The following DLG2 variants were observed in gnomAD, a reference collection of about 807,000 sequenced individuals.
DLG2 encodes disks large homolog 2.
In DLG2, 45 loss-of-function variants were observed where a neutral mutation model predicts 132.5. That is an observed-to-expected ratio of 0.34 (90% CI 0.27 to 0.44). The LOEUF (loss-of-function observed/expected upper bound fraction) is 0.44, where lower values mean the gene tolerates loss of function less well. Among genes scored for constraint, DLG2 ranks in the 20% least tolerant of loss-of-function variants. The probability of loss-of-function intolerance (pLI) is 1.00; values close to 1 mark genes in which losing one functional copy is unlikely to be tolerated. For synonymous variants in DLG2, 424 were observed against 419.6 expected (o/e 1.01, Z -0.13); for missense variants, 1,045 against 1,196.9 (o/e 0.87, Z 1.87).
intron 18 of DLG2, among the ~76,000 whole-genome samples, chr11:83,767,376 A>G (rs181038219): frequency 3.9e-5 from 6 of 152,346 alleles, no homozygotes; most frequent in Non-Finnish European, 7.3e-5. Context: ...TTATAATTCA[A>G]TTAGGTCCTT....
At chr11:83,900,447 G>A (rs1385927525) in intron 15 of DLG2, among the ~76,000 whole-genome samples, 4 of 152,108 alleles carry the variant, frequency 2.6e-5, no homozygotes, top group African/African-American at 9.7e-5. Flanking sequence ...TGGTTTTGTG[G>A]GCTGGTCCCA....
intron 4 of DLG2, among the ~76,000 whole-genome samples, chr11:85,282,486 A>T (rs540116047): frequency 2.7e-5 from 4 of 146,034 alleles, no homozygotes; most frequent in African/African-American, 1.0e-4. Flanking sequence ...ATGTATAACT[A>T]TTATGTATCC....
intron 6 of DLG2, among the ~76,000 whole-genome samples, chr11:84,859,399 T>TATATGTATATACATATATAC (rs1566174620): frequency 2.8e-5 from 4 of 145,222 alleles, no homozygotes; most frequent in African/African-American, 1.0e-4. Context: ...CATATATATG[T>TATATGTATATACATATATAC]ATATATACAT....
chr11:85,322,211 C>G (rs557766236), intron 3 of DLG2, among the ~76,000 whole-genome samples: 7 of 152,160 alleles, frequency 4.6e-5, no homozygotes, highest in African/African-American at 1.7e-4. Context: ...GTACTGATTC[C>G]TCTACATCAC....
intron 18 of DLG2, among the ~76,000 whole-genome samples, chr11:83,679,331 T>G (rs1466121569): frequency 6.6e-6 from 1 of 152,182 alleles, no homozygotes; most frequent in Non-Finnish European, 1.5e-5. Context: ...GTCAGGTATT[T>G]TAATACAATG....
chr11:84,671,301 C>A (rs999591098), intron 6 of DLG2, among the ~76,000 whole-genome samples: 5 of 151,956 alleles, frequency 3.3e-5, no homozygotes, highest in Admixed American at 3.3e-4. Context: ...CAGGGTCTCA[C>A]TGTGTTGCCT....
chr11:84,950,718 C>T (rs544964569), intron 6 of DLG2, among the ~76,000 whole-genome samples: 23 of 151,234 alleles, frequency 1.5e-4, no homozygotes, highest in African/African-American at 2.9e-4. Flanking sequence ...AGCACACACA[C>T]GCACGTGCAT....
intron 11 of DLG2, among the ~76,000 whole-genome samples, chr11:84,056,147 G>C (rs922362873): frequency 2.0e-5 from 3 of 151,868 alleles, no homozygotes; most frequent in African/African-American, 7.3e-5. Context: ...ATGGTGGTTT[G>C]CTGCACCTAT....
intron 7 of DLG2, among the ~76,000 whole-genome samples, chr11:84,517,673 A>G (rs10792760): frequency 0.1 from 15,300 of 152,068 alleles, 831 homozygotes; most frequent in South Asian, 0.18. Flanking sequence ...AAATAAAGTC[A>G]GTATGTTGAA....
At chr11:84,369,712 A>C (rs2098698454) in intron 7 of DLG2, among the ~76,000 whole-genome samples, 1 of 152,158 alleles carries the variant, frequency 6.6e-6, no homozygotes, top group South Asian at 2.1e-4. Flanking sequence ...AATGTGACAT[A>C]AAGATTGCTG....
At chr11:85,405,778 T>G (rs1047141183) in intron 3 of DLG2, among the ~76,000 whole-genome samples, 2 of 151,948 alleles carry the variant, frequency 1.3e-5, no homozygotes, top group Non-Finnish European at 2.9e-5. Flanking sequence ...ACAATACTAT[T>G]TATAAATCAT....
intron 6 of DLG2, among the ~76,000 whole-genome samples, chr11:84,729,044 G>C (rs2062837423): frequency 6.6e-6 from 1 of 152,002 alleles, no homozygotes. Flanking sequence ...CCAGCTCCTG[G>C]ATTCATTGAT....
intron 6 of DLG2, among the ~76,000 whole-genome samples, chr11:84,628,210 C>G (rs551341225): frequency 6.8e-4 from 103 of 152,042 alleles, no homozygotes; most frequent in African/African-American, 2.5e-3. Flanking sequence ...AACACAGCAC[C>G]TGGCACAGAT....
At chr11:84,536,555 T>C (rs776073264) in intron 6 of DLG2, among the ~76,000 whole-genome samples, 9 of 152,256 alleles carry the variant, frequency 5.9e-5, no homozygotes, top group Non-Finnish European at 4.4e-5. Flanking sequence ...AAATTTAACA[T>C]TCACTTTTGA....
intron 6 of DLG2, among the ~76,000 whole-genome samples, chr11:84,841,098 A>G (rs2080611573): frequency 6.6e-6 from 1 of 151,942 alleles, no homozygotes; most frequent in Non-Finnish European, 1.5e-5. Context: ...AGTAAAAATG[A>G]TCACATAAGA....
chr11:83,810,869 G>GCA (rs2047081862), intron 17 of DLG2, among the ~76,000 whole-genome samples: 1 of 152,070 alleles, frequency 6.6e-6, no homozygotes, highest in Non-Finnish European at 1.5e-5. Context: ...GAGGAGCTCA[G>GCA]TATATATAAG....
intron 3 of DLG2, among the ~76,000 whole-genome samples, chr11:85,439,183 G>A (rs2153026904): frequency 6.6e-6 from 1 of 152,156 alleles, no homozygotes; most frequent in African/African-American, 2.4e-5. Context: ...GTAATTGCAT[G>A]TTTCGTTTTA....
chr11:84,029,190 T>C (rs545452001), intron 11 of DLG2, among the ~76,000 whole-genome samples: 2 of 152,224 alleles, frequency 1.3e-5, no homozygotes, highest in African/African-American at 4.8e-5. Context: ...TATTTTCCTA[T>C]TGGAATTGTG....
chr11:85,580,142 A>C (rs1421091781), intron 3 of DLG2, among the ~76,000 whole-genome samples: 1 of 152,144 alleles, frequency 6.6e-6, no homozygotes, highest in Non-Finnish European at 1.5e-5. Flanking sequence ...TAGGATGTGA[A>C]TTGCTCCTCC....
Sources: gnomAD v4.1 joint callset for allele counts (sites outside exome capture counted in the v4.1 genomes callset) on GRCh38, gnomAD v4.1.1 for gene constraint, MANE v1.5 for transcripts, NCBI Gene and HGNC (gene_info 2026-07-23, HGNC 2026-07-21) for gene names.